Variants in BDP1 observed in about 807,000 individuals in gnomAD.
The protein encoded by BDP1 is transcription factor TFIIIB component B'' homolog.
BDP1 carries 169 observed loss-of-function variants against 266.6 expected under a neutral mutation model. The observed-to-expected ratio is 0.63, with a 90% CI of 0.56 to 0.72. BDP1 has a LOEUF of 0.72. BDP1 is among the 30% of genes least tolerant of loss of function. The pLI, the probability that BDP1 is intolerant of heterozygous loss-of-function variation, is 0.00. For missense variants in BDP1, 3,015 were observed against 3,053.8 expected, an observed-to-expected ratio of 0.99 and a Z score of 0.30; for synonymous variants, 1,090 against 1,022.4, an observed-to-expected ratio of 1.07 and a Z score of -1.26.
intron 16 of BDP1, among the ~76,000 whole-genome samples, chr5:71,507,949 A>G (rs1441236622): frequency 6.6e-6 from 1 of 152,162 alleles, no homozygotes; most frequent in Non-Finnish European, 1.5e-5. Context: ...AACAAGCAAT[A>G]GCATACTTTT....
intron 19 of BDP1, among the ~76,000 whole-genome samples, chr5:71,514,189 C>T (rs988188592): frequency 2.0e-5 from 3 of 152,104 alleles, no homozygotes; most frequent in Non-Finnish European, 4.4e-5. Context: ...TAATTATAAA[C>T]TGAATGTTTT....
intron 1 of BDP1, among the ~76,000 whole-genome samples, chr5:71,456,967 C>T (rs1247924855): frequency 6.6e-6 from 1 of 152,092 alleles, no homozygotes; most frequent in Non-Finnish European, 1.5e-5. Context: ...GAACATCTTC[C>T]TCTATTGGCC....
chr5:71,525,679 G>GT (rs1765808913), intron 25 of BDP1, among the ~76,000 whole-genome samples: 6 of 104,342 alleles, frequency 5.8e-5, no homozygotes, highest in South Asian at 3.9e-4. Context: ...GGCTGGCCGG[G>GT]CGGGGGGCTG....
intron 12 of BDP1, 21 bp from the exon 13 acceptor site, chr5:71,497,249 T>A: frequency 1.2e-6 from 2 of 1,607,792 alleles, no homozygotes; most frequent in African/African-American, 2.7e-5. Flanking sequence ...TGATGCTATT[T>A]AAATAATGTT....
intron 1 of BDP1, 35 bp from the exon 2 acceptor site, chr5:71,458,544 C>T: frequency 6.6e-7 from 1 of 1,515,302 alleles, no homozygotes; most frequent in Non-Finnish European, 8.9e-7. Flanking sequence ...ACAGAAGATT[C>T]ATGTGCCCTC....
chr5:71,474,124 C>T (rs1476946233), intron 7 of BDP1, among the ~76,000 whole-genome samples: 5 of 151,532 alleles, frequency 3.3e-5, no homozygotes, highest in Non-Finnish European at 7.4e-5. Flanking sequence ...GGACTACAGG[C>T]GCCCACCACC....
At chr5:71,563,228 A>C (rs1321762104) in intron 38 of BDP1, among the ~76,000 whole-genome samples, 2 of 152,024 alleles carry the variant, frequency 1.3e-5, no homozygotes, top group Non-Finnish European at 2.9e-5. Context: ...GTTCACTGCA[A>C]CCTCCATCCC....
chr5:71,553,266 T>C lies in BDP1; in HGVS notation c.7146T>C (p.Pro2382=). The C allele has an allele frequency of 1.2e-6, 2 of 1,613,206 alleles. No individual in the cohort carries two copies. The highest frequency in any genetic ancestry group is 1.7e-6 in the Non-Finnish European group (2 of 1,179,934). The change falls in exon 35 of 39, where the codon CCT becomes CCC. Residue 2382 remains proline (P), a synonymous_variant. Coordinates refer to ENST00000358731, the MANE Select transcript of BDP1 (RefSeq NM_018429.3). ...TTGATAAAAATGACCACATTCCTCC[T>C]GCCAAAAAACGTTCACTCACTTTAA... ...CRLDKNDHIP[P]AKKRSLTLRD...
chr5:71,475,531 T>C (rs1762528063), intron 7 of BDP1, among the ~76,000 whole-genome samples: 1 of 152,218 alleles, frequency 6.6e-6, no homozygotes, highest in African/African-American at 2.4e-5. Flanking sequence ...GTATTAACTT[T>C]GTAATGCACA....
At chr5:71,475,266 C>T (rs573011980) in intron 7 of BDP1, among the ~76,000 whole-genome samples, 1 of 152,154 alleles carries the variant, frequency 6.6e-6, no homozygotes, top group African/African-American at 2.4e-5. Context: ...TGCCACTATG[C>T]CCAGCTAATT....
In BDP1 at chr5:71,504,683, G is replaced by A; in HGVS notation, c.2304G>A (p.Gln768=). 6.2e-7 allele frequency: 1 copy of A among 1,613,576 alleles called. No individual in the cohort carries two copies. Among genetic ancestry groups the A allele is most frequent in the South Asian group, 1.1e-5 (1 of 91,066 alleles). The part of the protein sequence containing the change: ...KDFEEEDVIL[Q]PEKNDSFQNV... ...TTGAAGAGGAAGATGTCATATTACA[G>A]CCTGAGAAAAATGATTCTTTTCAAA... Residue 768 remains glutamine, a synonymous_variant, in exon 16 of 39, where the codon CAG becomes CAA. Coordinates refer to ENST00000358731, the MANE Select transcript of BDP1 (RefSeq NM_018429.3).
chr5:71,462,855 A>G (rs918581387), intron 3 of BDP1, among the ~76,000 whole-genome samples: 2 of 152,132 alleles, frequency 1.3e-5, no homozygotes, highest in Non-Finnish European at 2.9e-5. Flanking sequence ...AATTTTGGCC[A>G]GGCGAGGTGG....
rs564127239 is a variant in BDP1, at chr5:71,562,195, CAAAAAAAAAAAAAAAA to C, written c.7497-66_7497-51del. 3.0e-5 allele frequency: 14 copies of C among 459,462 alleles called. No homozygotes were observed. The African/African-American group carries it at 3.2e-4, about 10-fold the overall frequency. The allele number at this position is 459,462 out of a possible 1,614,324, so 28.5% of individuals were successfully genotyped here. A position where few individuals can be genotyped will look rare whatever the true frequency, so the allele number is the denominator to read the frequency against. On this transcript the variant is annotated intron_variant, in intron 37 of 38. Coordinates refer to ENST00000358731, the MANE Select transcript of BDP1 (RefSeq NM_018429.3). ...CCTGGGTGAGAGTGAGACTGCGTCTCAAAAAAAAAAAAAAAAAAAAAAAAAAAAGAATGTGTCTTCC... is the reference window on the plus strand; with the variant it reads ...CCTGGGTGAGAGTGAGACTGCGTCTCAAAAAAAAAAAAGAATGTGTCTTCC...
At chr5:71,478,917 T>A (rs1580018349) in intron 7 of BDP1, among the ~76,000 whole-genome samples, 1 of 152,336 alleles carries the variant, frequency 6.6e-6, no homozygotes, top group Non-Finnish European at 1.5e-5. Flanking sequence ...GTTTCTATTG[T>A]CATAGCGTCA....
rs376990227 is a variant in BDP1, at chr5:71,567,339, A to T, written c.*2454A>T. On this transcript the variant is annotated 3_prime_UTR_variant, in exon 39 of 39. Transcript: ENST00000358731. Reference sequence around the variant, plus strand: ...TTCTTACTATATAAAGAATACAGAGACTCATTGTATTAGAGAATCAAGTCA... The same window carrying T: ...TTCTTACTATATAAAGAATACAGAGTCTCATTGTATTAGAGAATCAAGTCA... The T allele has an allele frequency of 1.3e-5, 2 of 152,356 alleles. No individual in the cohort carries two copies. Among genetic ancestry groups the T allele is most frequent in the East Asian group, 3.9e-4 (2 of 5,186 alleles). 9.4% of individuals were successfully genotyped at this position (152,356 alleles called of 1,614,324 possible).
chr5:71,517,530 TTAA>T, intron 22 of BDP1, 78 bp downstream of exon 22: 1 of 1,237,642 alleles, frequency 8.1e-7, no homozygotes. Flanking sequence ...ACTTTATATA[TTAA>T]TAACTTCACA....
In BDP1 at chr5:71,544,070, G is replaced by A. The variant is rs529950548; in HGVS notation, c.6413-287G>A. On this transcript the variant is annotated intron_variant, in intron 30 of 38. Transcript: ENST00000358731. ...ACCCACCTCGAAGTCTCTTTTATAT[G>A]TTGAGTTTCTAATTATTGATGCTAG... Among the ~76,000 whole-genome samples the A allele has an allele frequency of 5.5e-4, 83 of 152,256 alleles. 2 individuals are homozygous for A. The highest frequency in any genetic ancestry group is 2.2e-4 in the Non-Finnish European group (15 of 68,032).
intron 6 of BDP1, among the ~76,000 whole-genome samples, chr5:71,468,257 G>C (rs1006616455): frequency 3.3e-5 from 5 of 151,998 alleles, no homozygotes; most frequent in Non-Finnish European, 7.4e-5. Context: ...GACCTCAGGT[G>C]GTCTGCTCAC....
intron 32 of BDP1, 200 bp downstream of exon 32, chr5:71,545,419 C>T (rs1026378316): frequency 2.5e-5 from 14 of 554,624 alleles, no homozygotes; most frequent in Admixed American, 7.4e-5. Flanking sequence ...GCAACCTCTG[C>T]CACCCAGATT....
Sources: allele counts gnomAD v4.1 joint callset (sites outside exome capture counted in the v4.1 genomes callset), GRCh38; gene constraint gnomAD v4.1.1; transcripts MANE v1.5; gene names NCBI Gene and HGNC (gene_info 2026-07-23, HGNC 2026-07-21).